The following NEK10 variants were observed in gnomAD, a reference collection of about 807,000 sequenced individuals.
NEK10 encodes the protein serine/threonine-protein kinase Nek10.
NEK10 carries 122 observed loss-of-function variants against 159.8 expected under a neutral mutation model. That is an observed-to-expected ratio of 0.76 (90% CI 0.66 to 0.89). The LOEUF (loss-of-function observed/expected upper bound fraction) is 0.89, where lower values mean the gene tolerates loss of function less well. Ranked by LOEUF, NEK10 falls within the 40% of genes least tolerant of loss-of-function variation. The pLI is 0.00. For synonymous variants in NEK10, 466 were observed against 457.1 expected (o/e 1.02, Z -0.25); for missense variants, 1,342 against 1,323.1 (o/e 1.01, Z -0.22).
intron 23 of NEK10, among the ~76,000 whole-genome samples, chr3:27,224,515 C>T (rs1449181128): frequency 6.6e-6 from 1 of 152,180 alleles, no homozygotes; most frequent in Non-Finnish European, 1.5e-5. Flanking sequence ...CCTTCCCTCC[C>T]ACAATCGACT....
At chr3:27,283,105 T>TA (rs895680584) in intron 22 of NEK10, among the ~76,000 whole-genome samples, 8 of 152,248 alleles carry the variant, frequency 5.3e-5, no homozygotes, top group African/African-American at 1.9e-4. Flanking sequence ...ATGTTCTACT[T>TA]ACGAAAATTT....
rs11351970 is a variant in NEK10 at position 27,331,237 on chromosome 3, C to CAAAAAAAAAAAAAAAAAAAAAA, written c.363-8977_363-8976insTTTTTTTTTTTTTTTTTTTTTT. On this transcript the variant is annotated intron_variant, in intron 5 of 35. Coordinates refer to ENST00000691995, the MANE Select transcript of NEK10 (RefSeq NM_001394966.1). Reference sequence around the variant, plus strand: ...TGGGTGATAAAGTAAGACTCTGTCTCAAAAAAAAAAAAACAAAAAAAAAAA... The same window carrying CAAAAAAAAAAAAAAAAAAAAAA: ...TGGGTGATAAAGTAAGACTCTGTCTCAAAAAAAAAAAAAAAAAAAAAAAAAAAAAAAAAAACAAAAAAAAAAA... 5.7e-4 allele frequency among the ~76,000 whole-genome samples: 17 copies of CAAAAAAAAAAAAAAAAAAAAAA among 29,584 alleles called. 1 individual carries two copies. Among genetic ancestry groups the CAAAAAAAAAAAAAAAAAAAAAA allele is most frequent in the African/African-American group, 8.7e-4 (15 of 17,208 alleles). 19.4% of individuals were successfully genotyped at this position (29,584 alleles called of 152,430 possible).
chr3:27,223,095 C>A (rs899686083), intron 23 of NEK10, among the ~76,000 whole-genome samples: 2 of 152,098 alleles, frequency 1.3e-5, no homozygotes, highest in African/African-American at 2.4e-5. Flanking sequence ...TTTCTAGAAC[C>A]CTTTCTTCAT....
At chr3:27,157,368 T>C (rs555625483) in intron 30 of NEK10, among the ~76,000 whole-genome samples, 12 of 152,174 alleles carry the variant, frequency 7.9e-5, no homozygotes, top group Admixed American at 2.6e-4. Flanking sequence ...TAACAGGAGT[T>C]TGGAAGAAGT....
intron 12 of NEK10, among the ~76,000 whole-genome samples, chr3:27,303,463 C>T (rs956353229): frequency 2.6e-5 from 4 of 152,112 alleles, no homozygotes; most frequent in African/African-American, 4.8e-5. Context: ...TCATTACCAT[C>T]GTCATCCTAC....
At chr3:27,206,059 C>T (rs1258648250) in intron 23 of NEK10, among the ~76,000 whole-genome samples, 1 of 152,168 alleles carries the variant, frequency 6.6e-6, no homozygotes, top group African/African-American at 2.4e-5. Context: ...GCACTAATCC[C>T]ATTGGTGAGG....
chr3:27,142,867 A>G (rs1943922040), intron 30 of NEK10, among the ~76,000 whole-genome samples: 1 of 152,218 alleles, frequency 6.6e-6, no homozygotes, highest in African/African-American at 2.4e-5. Flanking sequence ...TTTAGAATTT[A>G]GCACAAGAAA....
chr3:27,264,923 A>C (rs2040760094), intron 22 of NEK10, among the ~76,000 whole-genome samples: 1 of 150,150 alleles, frequency 6.7e-6, no homozygotes. Context: ...TAAATAAATA[A>C]ATAAATAAAT....
intron 30 of NEK10, among the ~76,000 whole-genome samples, chr3:27,150,731 CT>C (rs1944770649): frequency 6.6e-6 from 1 of 152,180 alleles, no homozygotes; most frequent in Admixed American, 6.5e-5. Context: ...GTCATTTTGA[CT>C]TTCAAGTCTT....
At chr3:27,311,037 G>T (rs371394496) in intron 8 of NEK10, 21 bp from the exon 9 acceptor site, 1 of 1,508,434 alleles carries the variant, frequency 6.6e-7, no homozygotes, top group Non-Finnish European at 9.2e-7. Context: ...AAGAAAGAGC[G>T]CAAAGAGGCA....
intron 30 of NEK10, among the ~76,000 whole-genome samples, chr3:27,152,788 C>T (rs1217411257): frequency 6.6e-6 from 1 of 152,064 alleles, no homozygotes; most frequent in African/African-American, 2.4e-5. Context: ...CATAAGGACT[C>T]ACAAAAGTTT....
intron 23 of NEK10, among the ~76,000 whole-genome samples, chr3:27,212,117 G>A (rs1462925237): frequency 1.3e-5 from 2 of 152,232 alleles, no homozygotes; most frequent in African/African-American, 4.8e-5. Context: ...TGGTTTAATC[G>A]CTGAGGACAG....
intron 6 of NEK10, among the ~76,000 whole-genome samples, chr3:27,317,192 C>T (rs898757215): frequency 6.6e-6 from 1 of 152,224 alleles, no homozygotes; most frequent in African/African-American, 2.4e-5. Context: ...CTCACAGACC[C>T]TGGTCTTCCT....
intron 1 of NEK10, among the ~76,000 whole-genome samples, chr3:27,360,887 C>T (rs545713999): frequency 2.6e-5 from 4 of 152,172 alleles, no homozygotes; most frequent in Non-Finnish European, 5.9e-5. Flanking sequence ...ACCTTCCTTG[C>T]GCAAATAGTC....
chr3:27,274,328 C>T lies in NEK10; in HGVS notation c.2014+10274G>A, dbSNP rs116918527. Among the ~76,000 whole-genome samples, 24 of 152,268 alleles carry T rather than the reference C, an allele frequency of 1.6e-4. No homozygotes were observed. In the East Asian group the frequency reaches 4.6e-3, roughly 29 times the overall value. On this transcript the variant is annotated intron_variant, in intron 22 of 35. Transcript: ENST00000691995. ...TTGATAAAAGAATGCTTTCTGAATT[C>T]TAGGTAACTCCATATCTGTGGTACA...
chr3:27,159,246 C>G (rs562743573), intron 30 of NEK10, among the ~76,000 whole-genome samples: 4 of 152,160 alleles, frequency 2.6e-5, no homozygotes, highest in East Asian at 1.9e-4. Context: ...GACAACAGAC[C>G]TCAGCATAAG....
At chr3:27,193,047 T>G (rs1949248802) in intron 25 of NEK10, among the ~76,000 whole-genome samples, 1 of 152,228 alleles carries the variant, frequency 6.6e-6, no homozygotes. Context: ...TTATAGTACC[T>G]ACCTCATTAA....
rs1170174367 is a variant in NEK10 at position 27,311,970 on chromosome 3, G to A, written c.568+129C>T. Reference sequence around the variant, plus strand: ...ACTGAATATAACAATTGGCCTGGATGCTCAACACCTGAGCTGTGTGTGCGA... The same window carrying A: ...ACTGAATATAACAATTGGCCTGGATACTCAACACCTGAGCTGTGTGTGCGA... On this transcript the variant is annotated intron_variant, in intron 8 of 35. Transcript: ENST00000691995. The A allele has an allele frequency of 5.9e-6, 4 of 682,784 alleles. No homozygotes were observed. The East Asian group carries it at 1.1e-4, about 19-fold the overall frequency. The allele number at this position is 682,784 out of a possible 1,614,324, so 42.3% of individuals were successfully genotyped here.
At chr3:27,246,607 T>C (rs1473411100) in intron 23 of NEK10, among the ~76,000 whole-genome samples, 1 of 152,142 alleles carries the variant, frequency 6.6e-6, no homozygotes. Flanking sequence ...TTTTTAACTA[T>C]AGTCACCCTG....
Sources: gnomAD v4.1 joint callset for allele counts (sites outside exome capture counted in the v4.1 genomes callset) on GRCh38, gnomAD v4.1.1 for gene constraint, MANE v1.5 for transcripts, NCBI Gene and HGNC (gene_info 2026-07-23, HGNC 2026-07-21) for gene names.